Variants in IGF2R observed in about 807,000 individuals in gnomAD.
IGF2R encodes the protein cation-independent mannose-6-phosphate receptor.
In IGF2R, 91 loss-of-function variants were observed where a neutral mutation model predicts 270.6. That is an observed-to-expected ratio of 0.34 (90% CI 0.28 to 0.40). IGF2R has a LOEUF of 0.40. Among genes scored for constraint, IGF2R ranks in the 10% least tolerant of loss-of-function variants. The pLI is 1.00. For missense variants in IGF2R, 2,805 were observed against 3,188.3 expected (o/e 0.88, Z 2.90); for synonymous variants, 1,316 against 1,258.9 (o/e 1.05, Z -0.96).
At chr6:160,007,031 A>G (rs1027666611) in intron 2 of IGF2R, 4 of 151,498 alleles carry the variant, frequency 2.6e-5, no homozygotes, top group Non-Finnish European at 5.9e-5. Flanking sequence ...TAATATTACT[A>G]AAAATCAACC....
chr6:159,999,979 C>T (rs1038352628), intron 2 of IGF2R, among the ~76,000 whole-genome samples: 6 of 152,266 alleles, frequency 3.9e-5, no homozygotes, highest in South Asian at 2.1e-4. Flanking sequence ...AAAAGACATA[C>T]ACTAGACTGG....
At position 160,059,016 on chromosome 6, in the gene IGF2R, G is replaced by A. The variant is rs747447279; in HGVS notation, c.3009G>A (p.Arg1003=). 1 of 1,614,216 alleles carries A rather than the reference G, an allele frequency of 6.2e-7. No individual in the cohort carries two copies. Among genetic ancestry groups the A allele is most frequent in the Admixed American group, 1.7e-5 (1 of 60,032 alleles). Residue 1003 remains arginine, a synonymous_variant, in exon 22 of 48, where the codon AGG becomes AGA. Transcript: ENST00000356956. ...TEELKNWKPA[R]PVGIEKSLQL... Reference sequence around the variant, plus strand: ...AGCTCAAGAATTGGAAGCCAGCAAGGCCAGTCGGAATTGAGAAAAGCCTCC... The same window carrying A: ...AGCTCAAGAATTGGAAGCCAGCAAGACCAGTCGGAATTGAGAAAAGCCTCC...
chr6:160,008,705 A>G (rs8191728), intron 2 of IGF2R, among the ~76,000 whole-genome samples: 15,256 of 152,208 alleles, frequency 0.1, 961 homozygotes, highest in East Asian at 0.22. Flanking sequence ...TTAGGTGGCC[A>G]TTGCTGGAGC....
Position 160,070,012 on chromosome 6 carries a change from G to A in IGF2R, c.4397G>A (p.Arg1466Gln), listed in dbSNP as rs368697729. Reference protein sequence around the residue: ...VDGDLCPDGIRKKSTTIRFTC... With the variant: ...VDGDLCPDGIQKKSTTIRFTC... Reference sequence around the variant, plus strand: ...GGCGACTTATGTCCAGATGGGATTCGGAAAAAGTCAACCACCATCCGATTC... The same window carrying A: ...GGCGACTTATGTCCAGATGGGATTCAGAAAAAGTCAACCACCATCCGATTC... Residue 1466 changes from arginine to glutamine, a missense_variant, in exon 31 of 48, where the codon CGG becomes CAG. Transcript: ENST00000356956. The A allele has an allele frequency of 2.6e-5, 42 of 1,614,194 alleles. No individual in the cohort carries two copies. The highest frequency in any genetic ancestry group is 3.3e-4 in the Middle Eastern group (2 of 6,062).
At position 160,096,470 on chromosome 6, in the gene IGF2R, C is replaced by T; in HGVS notation, c.6687C>T (p.Ser2229=). The part of the protein sequence containing the change: ...DGDLDVVFAS[S]SKCGKDKTKS... ...ATCTCGATGTCGTGTTTGCCTCTTCCTCTAAGTGCGGAAAGGATAAGACCA... is the reference window on the plus strand; with the variant it reads ...ATCTCGATGTCGTGTTTGCCTCTTCTTCTAAGTGCGGAAAGGATAAGACCA... Residue 2229 remains serine (S), a synonymous_variant, in exon 45 of 48, where the codon TCC becomes TCT. Coordinates refer to ENST00000356956, the MANE Select transcript of IGF2R (RefSeq NM_000876.4). 1 of 1,613,418 alleles carries T rather than the reference C, an allele frequency of 6.2e-7. No homozygotes were observed. The highest frequency in any genetic ancestry group is 8.5e-7 in the Non-Finnish European group (1 of 1,179,606).
In IGF2R at chr6:160,047,226, C is replaced by T; in HGVS notation, c.2119C>T (p.Leu707=). ...TTCATATTATGATGGGATGATCCAA[C>T]TGAACTACAGAGGCGGCACACCCTA... ...KLSYYDGMIQ[L]NYRGGTPYNN... Residue 707 remains leucine (L), a synonymous_variant, in exon 16 of 48, where the codon CTG becomes TTG. Transcript: ENST00000356956. 1 of 1,614,008 alleles carries T rather than the reference C, an allele frequency of 6.2e-7. No homozygotes were observed. The highest frequency in any genetic ancestry group is 1.1e-5 in the South Asian group (1 of 91,074).
At chr6:160,036,227 T>G (rs2115236961) in intron 10 of IGF2R, among the ~76,000 whole-genome samples, 1 of 152,290 alleles carries the variant, frequency 6.6e-6, no homozygotes, top group Admixed American at 6.5e-5. Flanking sequence ...ACCTCGCATC[T>G]GGTCTGAGCA....
chr6:159,982,095 C>T (rs977842339), intron 1 of IGF2R, among the ~76,000 whole-genome samples: 1 of 152,194 alleles, frequency 6.6e-6, no homozygotes, highest in Admixed American at 6.5e-5. Context: ...GGGTAGGAGT[C>T]TTCATGCAAA....
intron 29 of IGF2R, among the ~76,000 whole-genome samples, chr6:160,067,153 C>G (rs955709474): frequency 1.5e-4 from 23 of 152,222 alleles, no homozygotes; most frequent in Admixed American, 1.4e-3. Context: ...CTCACTTTCA[C>G]TCTGTTCCAG....
Position 160,065,948 on chromosome 6 carries a change from C to T in IGF2R, c.4115+1047C>T, listed in dbSNP as rs1258543193. On this transcript the variant is annotated intron_variant, in intron 29 of 47. Coordinates refer to ENST00000356956, the MANE Select transcript of IGF2R (RefSeq NM_000876.4). Reference sequence around the variant, plus strand: ...CCTCCTCCCTGGTTCAAGCAATTCTCCTGTCTCAGCATCCCTAGTAGCTGG... The same window carrying T: ...CCTCCTCCCTGGTTCAAGCAATTCTTCTGTCTCAGCATCCCTAGTAGCTGG... Among the ~76,000 whole-genome samples, 7 of 148,814 alleles carry T rather than the reference C, an allele frequency of 4.7e-5. No homozygotes were observed. The South Asian group carries it at 6.4e-4, about 14-fold the overall frequency.
chr6:159,969,618 G>A (rs1392148824), intron 1 of IGF2R, among the ~76,000 whole-genome samples: 2 of 152,174 alleles, frequency 1.3e-5, no homozygotes, highest in African/African-American at 2.4e-5. Context: ...GGTCGTGGCG[G>A]TCCTGGAGCC....
intron 2 of IGF2R, among the ~76,000 whole-genome samples, chr6:160,002,112 C>T (rs1000291379): frequency 9.9e-5 from 15 of 152,062 alleles, no homozygotes; most frequent in Admixed American, 7.2e-4. Flanking sequence ...AAAATCAGGC[C>T]GGGTGTGGTG....
chr6:160,075,751 G>T, intron 35 of IGF2R, 96 bp from the exon 36 acceptor site: 4 of 1,261,080 alleles, frequency 3.2e-6, no homozygotes, highest in Non-Finnish European at 4.5e-6. Context: ...GAACCTATGA[G>T]GTCTGGTTTT....
chr6:160,008,857 C>G (rs1474366976), intron 2 of IGF2R, among the ~76,000 whole-genome samples, 153 bp from the exon 3 acceptor site: 1 of 152,128 alleles, frequency 6.6e-6, no homozygotes, highest in African/African-American at 2.4e-5. Context: ...GGGGATGCCA[C>G]TCTGAGATGG....
At chr6:160,038,182 A>G (rs1387095929) in intron 10 of IGF2R, among the ~76,000 whole-genome samples, 1 of 152,208 alleles carries the variant, frequency 6.6e-6, no homozygotes, top group Non-Finnish European at 1.5e-5. Flanking sequence ...AGAATAAACT[A>G]GAGCCTGTGG....
At chr6:159,992,598 T>TCACACACA (rs71033567) in intron 2 of IGF2R, among the ~76,000 whole-genome samples, 77 of 146,262 alleles carry the variant, frequency 5.3e-4, no homozygotes, top group African/African-American at 1.8e-3. Context: ...AAGAATGAAA[T>TCACACACA]CACACACACA....
intron 4 of IGF2R, among the ~76,000 whole-genome samples, chr6:160,023,962 T>C (rs1201674365): frequency 6.6e-6 from 1 of 152,108 alleles, no homozygotes; most frequent in African/African-American, 2.4e-5. Context: ...ACCAGGAGCC[T>C]GTGGATGCAA....
chr6:160,093,880 G>T, intron 44 of IGF2R: 1 of 724,918 alleles, frequency 1.4e-6, no homozygotes. Flanking sequence ...TCGCAGACAG[G>T]ACCATTCAGG....
chr6:160,078,606 A>T (rs1778906686), intron 37 of IGF2R, among the ~76,000 whole-genome samples: 1 of 152,102 alleles, frequency 6.6e-6, no homozygotes, highest in Non-Finnish European at 1.5e-5. Context: ...ACGCTTTTTG[A>T]TGATAAGTAA....
Sources: gnomAD v4.1 joint callset for allele counts (sites outside exome capture counted in the v4.1 genomes callset) on GRCh38, gnomAD v4.1.1 for gene constraint, MANE v1.5 for transcripts, NCBI Gene and HGNC (gene_info 2026-07-23, HGNC 2026-07-21) for gene names.